Variants in LHFPL6 observed in about 807,000 individuals in gnomAD.
The protein encoded by LHFPL6 is LHFPL tetraspan subfamily member 6, also known as LHFPL tetraspan subfamily member 6 protein.
In LHFPL6, 9 loss-of-function variants were observed where a neutral mutation model predicts 20.6. The ratio of observed to expected loss-of-function variants is 0.44; its 90% confidence interval spans 0.26 to 0.76. The LOEUF (loss-of-function observed/expected upper bound fraction) is 0.76, where lower values mean the gene tolerates loss of function less well. LHFPL6 is among the 30% of genes least tolerant of loss of function. LHFPL6 has a pLI of 0.20. For missense variants in LHFPL6, 218 were observed against 253.5 expected (o/e 0.86, Z 0.95); for synonymous variants, 105 against 98.7 (o/e 1.06, Z -0.38).
intron 2 of LHFPL6, among the ~76,000 whole-genome samples, chr13:39,499,512 C>T (rs1445784742): frequency 6.6e-6 from 1 of 152,182 alleles, no homozygotes; most frequent in Admixed American, 6.5e-5. Flanking sequence ...AAAACAGAAC[C>T]AGCCCATGCC....
At chr13:39,401,099 C>T (rs1000490612) in intron 2 of LHFPL6, among the ~76,000 whole-genome samples, 7 of 152,118 alleles carry the variant, frequency 4.6e-5, no homozygotes, top group Non-Finnish European at 7.4e-5. Flanking sequence ...CTATGTTGAG[C>T]GCAACTACAA....
At chr13:39,592,905 T>G (rs974806244) in intron 2 of LHFPL6, among the ~76,000 whole-genome samples, 1 of 152,196 alleles carries the variant, frequency 6.6e-6, no homozygotes, top group Non-Finnish European at 1.5e-5. Flanking sequence ...AGGAAAGGCC[T>G]TTGAAAAAAT....
chr13:39,349,527 C>G (rs554781653), intron 3 of LHFPL6, among the ~76,000 whole-genome samples: 170 of 152,290 alleles, frequency 1.1e-3, no homozygotes, highest in African/African-American at 3.9e-3. Context: ...GAATGAATCA[C>G]TGGGTACTGG....
rs1555257725 is a variant in LHFPL6, at chr13:39,352,972, C to CACATAT, written c.485-8919_485-8918insATATGT. Reference sequence around the variant, plus strand: ...ATATATACATACATACACACACACACATATATATATATATATAATTTTTTT... The same window carrying CACATAT: ...ATATATACATACATACACACACACACACATATATATATATATATATATAATTTTTTT... On this transcript the variant is annotated intron_variant, in intron 3 of 3. Transcript: ENST00000379589. Among the ~76,000 whole-genome samples, 63 of 69,138 alleles carry CACATAT rather than the reference C, an allele frequency of 9.1e-4. 3 individuals are homozygous for CACATAT. The highest frequency in any genetic ancestry group is 1.9e-3 in the South Asian group (3 of 1,556). The allele number at this position is 69,138 out of a possible 152,430, so 45.4% of individuals were successfully genotyped here.
intron 2 of LHFPL6, among the ~76,000 whole-genome samples, chr13:39,565,106 C>A (rs1871667068): frequency 6.6e-6 from 1 of 152,122 alleles, no homozygotes; most frequent in Admixed American, 6.5e-5. Context: ...TTAAAAACTA[C>A]CATTTGCTTA....
chr13:39,433,227 T>C (rs534024169), intron 2 of LHFPL6, among the ~76,000 whole-genome samples: 37 of 152,326 alleles, frequency 2.4e-4, no homozygotes, highest in Admixed American at 1.0e-3. Flanking sequence ...TGCTTTTTTT[T>C]CTAAATAGCA....
At chr13:39,439,003 G>C (rs1215691575) in intron 2 of LHFPL6, among the ~76,000 whole-genome samples, 1 of 152,136 alleles carries the variant, frequency 6.6e-6, no homozygotes, top group East Asian at 1.9e-4. Context: ...CTGCCTAGTG[G>C]AGCTGTGAAA....
At chr13:39,352,406 T>C (rs533876205) in intron 3 of LHFPL6, among the ~76,000 whole-genome samples, 122 of 152,310 alleles carry the variant, frequency 8.0e-4, no homozygotes, top group African/African-American at 2.6e-3. Flanking sequence ...AGAGACTCCA[T>C]GGTAGCGCCC....
chr13:39,520,692 C>T (rs533473310), intron 2 of LHFPL6, among the ~76,000 whole-genome samples: 3 of 152,242 alleles, frequency 2.0e-5, no homozygotes, highest in African/African-American at 4.8e-5. Flanking sequence ...CACGGCCAGA[C>T]AACAACAGCG....
Position 39,378,510 on chromosome 13 carries a change from A to G in LHFPL6, c.402T>C (p.Ala134=). The change falls in exon 3 of 4, where the codon GCT becomes GCC. Residue 134 remains alanine (A), a synonymous_variant. Coordinates refer to ENST00000379589, the MANE Select transcript of LHFPL6 (RefSeq NM_005780.3). ...IQFLGGLLIG[A]GCALYPLGWD... is the part of the protein sequence containing the mutation. ...AGCCCAAGGGGTAGAGGGCACAGCC[A>G]GCACCAATCAACAAGCCTGCAAAGA... 6.2e-7 allele frequency: 1 copy of G among 1,613,908 alleles called. No homozygotes were observed. The highest frequency in any genetic ancestry group is 8.5e-7 in the Non-Finnish European group (1 of 1,179,868).
intron 3 of LHFPL6, among the ~76,000 whole-genome samples, chr13:39,369,354 A>C (rs1483037805): frequency 1.3e-5 from 2 of 152,178 alleles, no homozygotes; most frequent in African/African-American, 4.8e-5. Flanking sequence ...CTTGAGAAAA[A>C]AAGAATGTAG....
At chr13:39,579,764 C>T (rs2138538001) in intron 2 of LHFPL6, among the ~76,000 whole-genome samples, 1 of 152,224 alleles carries the variant, frequency 6.6e-6, no homozygotes, top group African/African-American at 2.4e-5. Context: ...ATATCACTGG[C>T]AAGTTTCATT....
intron 2 of LHFPL6, among the ~76,000 whole-genome samples, chr13:39,441,931 G>A (rs1197391854): frequency 4.1e-5 from 6 of 147,494 alleles, no homozygotes; most frequent in African/African-American, 1.3e-4. Context: ...CCAGGTTCAA[G>A]CGATTCTCCT....
At chr13:39,376,350 G>GT (rs1324826455) in intron 3 of LHFPL6, among the ~76,000 whole-genome samples, 2 of 152,156 alleles carry the variant, frequency 1.3e-5, no homozygotes, top group Non-Finnish European at 2.9e-5. Context: ...CAGCATTTCA[G>GT]TATTTTTCCC....
intron 2 of LHFPL6, among the ~76,000 whole-genome samples, chr13:39,459,194 A>ATGTCTGTGTG (rs1555263366): frequency 6.6e-5 from 9 of 135,982 alleles, no homozygotes. Context: ...AAGTTCCTTA[A>ATGTCTGTGTG]TGTGTGTGTG....
chr13:39,355,939 G>C (rs1437145575), intron 3 of LHFPL6, among the ~76,000 whole-genome samples: 2 of 152,146 alleles, frequency 1.3e-5, no homozygotes, highest in Non-Finnish European at 2.9e-5. Context: ...AAAATAGTGA[G>C]GGGTTTCAAG....
At chr13:39,581,269 A>T (rs1031484382) in intron 2 of LHFPL6, among the ~76,000 whole-genome samples, 2 of 152,156 alleles carry the variant, frequency 1.3e-5, no homozygotes, top group Admixed American at 6.5e-5. Flanking sequence ...TTATGGTAAA[A>T]CCACTCCACA....
At chr13:39,380,407 A>C (rs1467451402) in intron 2 of LHFPL6, among the ~76,000 whole-genome samples, 1 of 152,124 alleles carries the variant, frequency 6.6e-6, no homozygotes, top group Non-Finnish European at 1.5e-5. Flanking sequence ...GCAGGAGGTG[A>C]GCAGCAGGCA....
chr13:39,541,655 T>A (rs111481031), intron 2 of LHFPL6, among the ~76,000 whole-genome samples: 35 of 152,320 alleles, frequency 2.3e-4, no homozygotes, highest in African/African-American at 8.4e-4. Flanking sequence ...TGTTGGAGTA[T>A]TTAGCCCTTT....
Sources: gnomAD v4.1 joint callset for allele counts (sites outside exome capture counted in the v4.1 genomes callset) on GRCh38, gnomAD v4.1.1 for gene constraint, MANE v1.5 for transcripts, NCBI Gene and HGNC (gene_info 2026-07-23, HGNC 2026-07-21) for gene names.